Variants in ZER1 observed in about 807,000 individuals in gnomAD.
ZER1 encodes zyg-11 related cell cycle regulator, also known as protein zer-1 homolog.
A neutral mutation model predicts 78.8 loss-of-function variants in ZER1; 11 were observed. The ratio of observed to expected loss-of-function variants is 0.14; its 90% CI spans 0.09 to 0.23. ZER1 has a LOEUF of 0.23. Ranked by LOEUF, ZER1 falls within the 10% of genes least tolerant of loss-of-function variation. The probability of loss-of-function intolerance (pLI) is 1.00; values close to 1 mark genes in which losing one functional copy is unlikely to be tolerated. For synonymous variants in ZER1, 400 were observed against 407.0 expected (o/e 0.98, Z 0.21); for missense variants, 588 against 996.9 (o/e 0.59, Z 5.52).
intron 14 of ZER1, 122 bp downstream of exon 14, chr9:128,735,212 T>G (rs1863024040): frequency 1.1e-6 from 1 of 887,514 alleles, no homozygotes; most frequent in Admixed American, 2.9e-5. Context: ...TGGAGGGTTC[T>G]GCTCTGAGGC....
intron 1 of ZER1, among the ~76,000 whole-genome samples, chr9:128,763,184 C>T (rs1864101318): frequency 6.6e-6 from 1 of 152,210 alleles, no homozygotes; most frequent in East Asian, 1.9e-4. Context: ...CACTCCATGT[C>T]CTTCCTCCAG....
At chr9:128,736,366 G>A (rs1053289419) in intron 13 of ZER1, among the ~76,000 whole-genome samples, 5 of 151,600 alleles carry the variant, frequency 3.3e-5, no homozygotes, top group African/African-American at 7.3e-5. Context: ...GATTATAGGC[G>A]TGAACCACCA....
chr9:128,737,691 T>C (rs1863132973), intron 13 of ZER1, among the ~76,000 whole-genome samples: 1 of 152,086 alleles, frequency 6.6e-6, no homozygotes, highest in Non-Finnish European at 1.5e-5. Flanking sequence ...TTATGAACGA[T>C]TCTTGTTTTC....
chr9:128,767,733 G>A (rs758799765), intron 1 of ZER1, among the ~76,000 whole-genome samples: 3 of 152,088 alleles, frequency 2.0e-5, no homozygotes, highest in Admixed American at 6.6e-5. Context: ...TCTGTTCCAC[G>A]AGCCTCCGCC....
In ZER1 at chr9:128,731,355, G is replaced by A. The variant is rs774909472; in HGVS notation, c.2283C>T (p.Asn761=). Residue 761 remains asparagine, a synonymous_variant, in exon 16 of 16, where the codon AAC becomes AAT. Coordinates refer to ENST00000291900, the MANE Select transcript of ZER1 (RefSeq NM_006336.4). ...GAGGCCTCTATCTAGACGTGTCCAT[G>A]TTCTCCTCTTTAAAGTTACTGCAGT... is the stretch of plus-strand genomic sequence containing the variant. The part of the protein sequence containing the change: ...IEHCSNFKEE[N]MDTSR The A allele has an allele frequency of 5.4e-6, 8 of 1,480,550 alleles. No individual in the cohort carries two copies. The highest frequency in any genetic ancestry group is 1.9e-5 in the Admixed American group (1 of 53,942). 91.7% of individuals were successfully genotyped at this position (1,480,550 alleles called of 1,614,324 possible).
Position 128,751,647 on chromosome 9 carries a change from A to C in ZER1, c.924-120T>G. 1.3e-6 allele frequency: 1 copy of C among 758,726 alleles called. No homozygotes were observed. 47.0% of individuals were successfully genotyped at this position (758,726 alleles called of 1,614,324 possible). A position where few individuals can be genotyped will look rare whatever the true frequency, so the allele number is the denominator to read the frequency against. ...TCTAGGCCCTCCAACCTCATCCCCT[A>C]CTCCTTTTGTTTTTAATGGTAGGGG... On this transcript the variant is annotated intron_variant, in intron 5 of 15. Coordinates refer to ENST00000291900, the MANE Select transcript of ZER1 (RefSeq NM_006336.4). The surrounding 1 kb of genome is among the most constrained non-coding windows in gnomAD (Gnocchi z 5.4).
At chr9:128,756,362 C>T (rs1028256856) in intron 1 of ZER1, among the ~76,000 whole-genome samples, 9 of 152,186 alleles carry the variant, frequency 5.9e-5, no homozygotes, top group East Asian at 1.9e-4. Context: ...AGGAGAATGG[C>T]GGAGTGCGGT....
In ZER1 at chr9:128,740,200, A is replaced by T; in HGVS notation, c.1854-81T>A. 1 of 1,375,294 alleles carries T rather than the reference A, an allele frequency of 7.3e-7. No individual in the cohort carries two copies. Among genetic ancestry groups the T allele is most frequent in the Non-Finnish European group, 9.9e-7 (1 of 1,012,894 alleles). 85.2% of individuals were successfully genotyped at this position (1,375,294 alleles called of 1,614,324 possible). On this transcript the variant is annotated intron_variant, in intron 12 of 15. Coordinates refer to ENST00000291900, the MANE Select transcript of ZER1 (RefSeq NM_006336.4). The surrounding 1 kb of genome is among the most constrained non-coding windows in gnomAD (Gnocchi z 4.4). ...ACCAGCGGCAGGACCCCAACTTAAAACCAGAAGCAAGAGGTGCTACTTATT... is the reference window on the plus strand; with the variant it reads ...ACCAGCGGCAGGACCCCAACTTAAATCCAGAAGCAAGAGGTGCTACTTATT...
intron 1 of ZER1, among the ~76,000 whole-genome samples, chr9:128,757,744 T>C (rs1863906976): frequency 6.6e-6 from 1 of 152,034 alleles, no homozygotes; most frequent in African/African-American, 2.4e-5. Flanking sequence ...CGGGGAACAG[T>C]GGGAAATCTC....
chr9:128,752,053 C>T (rs1394611624), intron 5 of ZER1, among the ~76,000 whole-genome samples: 1 of 152,228 alleles, frequency 6.6e-6, no homozygotes, highest in East Asian at 1.9e-4. Context: ...CTCTCACCTA[C>T]TGGCCTTTGC....
At chr9:128,747,126 G>C (rs1863519348) in intron 8 of ZER1, among the ~76,000 whole-genome samples, 1 of 149,644 alleles carries the variant, frequency 6.7e-6, no homozygotes, top group Non-Finnish European at 1.5e-5. Context: ...TTGAACCTGG[G>C]AGGTAGAGGT....
intron 1 of ZER1, among the ~76,000 whole-genome samples, chr9:128,768,693 TAGTCC>T (rs1025000635): frequency 1.1e-4 from 17 of 152,172 alleles, no homozygotes; most frequent in African/African-American, 2.9e-4. Flanking sequence ...CCTGAGGATA[TAGTCC>T]GGGCTTGGGG....
Position 128,770,790 on chromosome 9 carries a change from A to C in ZER1, c.-95+791T>G, listed in dbSNP as rs151143966. 4.6e-5 allele frequency among the ~76,000 whole-genome samples: 7 copies of C among 152,316 alleles called. No individual in the cohort carries two copies. In the East Asian group the frequency reaches 1.4e-3, roughly 29 times the overall value. On this transcript the variant is annotated intron_variant, in intron 1 of 15. Transcript: ENST00000291900. ...TTTATGCTCATCCTAACCAGTTTGA[A>C]GTCTGAAGAGAAACATTCTGTGAAA...
chr9:128,734,728 G>T (rs1404295701), intron 14 of ZER1, among the ~76,000 whole-genome samples: 9 of 152,046 alleles, frequency 5.9e-5, no homozygotes, highest in Admixed American at 5.9e-4. Context: ...TAAAAATATA[G>T]ATTTCTAAGC....
intron 13 of ZER1, 76 bp downstream of exon 13, chr9:128,739,855 C>T: frequency 1.3e-6 from 2 of 1,529,008 alleles, no homozygotes; most frequent in Non-Finnish European, 1.8e-6. Context: ...CTGAGCAGAC[C>T]TTAATGGTAT....
intron 1 of ZER1, among the ~76,000 whole-genome samples, chr9:128,759,584 A>C (rs1360383336): frequency 6.6e-6 from 1 of 152,034 alleles, no homozygotes; most frequent in Non-Finnish European, 1.5e-5. Flanking sequence ...TCATGAGGTC[A>C]GGAGATTGAG....
At chr9:128,733,566 GTCT>G (rs759343049) in intron 14 of ZER1, 38 bp from the exon 15 acceptor site, 21 of 1,583,180 alleles carry the variant, frequency 1.3e-5, no homozygotes, top group South Asian at 9.0e-5. Flanking sequence ...ATCAGGATGG[GTCT>G]TCTTATCAGC....
chr9:128,770,212 C>A (rs1405638790), intron 1 of ZER1, among the ~76,000 whole-genome samples: 1 of 152,172 alleles, frequency 6.6e-6, no homozygotes, highest in Non-Finnish European at 1.5e-5. Context: ...CAACCTCCAC[C>A]TCTCAGGTTC....
At chr9:128,731,530 G>A (rs949206338) in intron 15 of ZER1, 136 bp from the exon 16 acceptor site, 4 of 686,780 alleles carry the variant, frequency 5.8e-6, no homozygotes, top group African/African-American at 1.8e-5. Flanking sequence ...GTGGACAGAG[G>A]GGCTGGCAGA....
Sources: gnomAD v4.1 joint callset for allele counts (sites outside exome capture counted in the v4.1 genomes callset) on GRCh38, gnomAD v4.1.1 for gene constraint, Gnocchi (gnomAD v3.1) non-coding constraint, MANE v1.5 for transcripts, NCBI Gene and HGNC (gene_info 2026-07-23, HGNC 2026-07-21) for gene names.